TACR3: variants seen among roughly 807,000 people sequenced by gnomAD.
TACR3 encodes tachykinin receptor 3, also known as neuromedin-K receptor.
In TACR3, 34 loss-of-function variants were observed where a neutral mutation model predicts 35.0. The ratio of observed to expected loss-of-function variants is 0.97; its 90% CI spans 0.74 to 1.30. TACR3 has a LOEUF of 1.30. Among genes scored for constraint, TACR3 ranks in the 50% most tolerant of loss-of-function variants. TACR3 has a pLI of 0.00. For synonymous variants in TACR3, 233 were observed against 221.1 expected, an observed-to-expected ratio of 1.05 and a Z score of -0.48; for missense variants, 558 against 591.7, an observed-to-expected ratio of 0.94 and a Z score of 0.59.
intron 2 of TACR3, 86 bp downstream of exon 2, chr4:103,658,129 A>G (rs1725768909): frequency 7.8e-7 from 1 of 1,287,572 alleles, no homozygotes; most frequent in African/African-American, 1.5e-5. Context: ...GGGAAATGTC[A>G]GTCTTATTTA....
chr4:103,613,203 T>A (rs1724551121), intron 3 of TACR3, among the ~76,000 whole-genome samples: 1 of 152,198 alleles, frequency 6.6e-6, no homozygotes. Context: ...AACATAGGCG[T>A]TGTGATTAAA....
chr4:103,688,118 G>C (rs534477804), intron 1 of TACR3, among the ~76,000 whole-genome samples: 5 of 152,206 alleles, frequency 3.3e-5, no homozygotes, highest in Admixed American at 6.5e-5. Flanking sequence ...TCTGATCTTT[G>C]ACAAACTTGA....
chr4:103,702,817 C>T (rs966530716), intron 1 of TACR3, among the ~76,000 whole-genome samples: 1 of 146,636 alleles, frequency 6.8e-6, no homozygotes, highest in Non-Finnish European at 1.5e-5. Context: ...AACCAAACAT[C>T]ACATGTTCTC....
At chr4:103,650,819 A>ATG (rs1725596087) in intron 3 of TACR3, among the ~76,000 whole-genome samples, 2 of 45,594 alleles carry the variant, frequency 4.4e-5, no homozygotes, top group Non-Finnish European at 6.6e-5. Context: ...ATAATATATT[A>ATG]TATAATAATA....
chr4:103,602,210 C>T lies in TACR3; in HGVS notation c.889-10527G>A, dbSNP rs148059597. Reference sequence around the variant, plus strand: ...TGAGGCTTCTGCATTCGTCACGTAGCTCTCGTGCCTTGGTTTTCAGCTCCA... The same window carrying T: ...TGAGGCTTCTGCATTCGTCACGTAGTTCTCGTGCCTTGGTTTTCAGCTCCA... On this transcript the variant is annotated intron_variant, in intron 3 of 4. Coordinates refer to ENST00000304883, the MANE Select transcript of TACR3 (RefSeq NM_001059.3). Among the ~76,000 whole-genome samples the T allele has an allele frequency of 7.4e-3, 1,125 of 152,276 alleles. 17 individuals are homozygous for T. The highest frequency in any genetic ancestry group is 0.026 in the African/African-American group (1,079 of 41,560).
chr4:103,602,215 G>A (rs1053978901), intron 3 of TACR3, among the ~76,000 whole-genome samples: 8 of 152,098 alleles, frequency 5.3e-5, no homozygotes, highest in Non-Finnish European at 8.8e-5. Flanking sequence ...CGTAGCTCTC[G>A]TGCCTTGGTT....
At chr4:103,618,893 C>A (rs1197705144) in intron 3 of TACR3, among the ~76,000 whole-genome samples, 1 of 151,884 alleles carries the variant, frequency 6.6e-6, no homozygotes, top group African/African-American at 2.4e-5. Flanking sequence ...TATCTCTCAG[C>A]CTGGAATGCT....
chr4:103,697,915 T>C (rs1178827865), intron 1 of TACR3, among the ~76,000 whole-genome samples: 1 of 152,178 alleles, frequency 6.6e-6, no homozygotes, highest in African/African-American at 2.4e-5. Flanking sequence ...CTCCTCCTCT[T>C]TAAAGGTTTC....
intron 2 of TACR3, among the ~76,000 whole-genome samples, 188 bp downstream of exon 2, chr4:103,658,027 A>G (rs1482243570): frequency 6.6e-6 from 1 of 152,168 alleles, no homozygotes; most frequent in African/African-American, 2.4e-5. Context: ...TAAAAACCTT[A>G]GTAACTTACA....
chr4:103,618,564 C>CTTTTTTTTTTTTTTTT (rs57837921), intron 3 of TACR3, among the ~76,000 whole-genome samples: 7 of 61,446 alleles, frequency 1.1e-4, no homozygotes, highest in African/African-American at 6.4e-4. Flanking sequence ...GTGACTTGGG[C>CTTTTTTTTTTTTTTTT]TTTTTTTTTT....
chr4:103,602,179 G>A lies in TACR3; in HGVS notation c.889-10496C>T, dbSNP rs186921445. Among the ~76,000 whole-genome samples, 5 of 151,936 alleles carry A rather than the reference G, an allele frequency of 3.3e-5. No individual in the cohort carries two copies. In the East Asian group the frequency reaches 5.8e-4, roughly 18 times the overall value. ...ACCCTTTCTTCCAGTTGATCGCATCGGCTACTGAGGCTTCTGCATTCGTCA... is the reference window on the plus strand; with the variant it reads ...ACCCTTTCTTCCAGTTGATCGCATCAGCTACTGAGGCTTCTGCATTCGTCA... On this transcript the variant is annotated intron_variant, in intron 3 of 4. Transcript: ENST00000304883.
chr4:103,645,785 C>A (rs1262474249), intron 3 of TACR3, among the ~76,000 whole-genome samples: 1 of 151,872 alleles, frequency 6.6e-6, no homozygotes, highest in Non-Finnish European at 1.5e-5. Context: ...GGCTCTAGAA[C>A]CACAATTTTA....
intron 3 of TACR3, among the ~76,000 whole-genome samples, chr4:103,628,574 A>C (rs1724966942): frequency 6.6e-6 from 1 of 152,224 alleles, no homozygotes; most frequent in Non-Finnish European, 1.5e-5. Context: ...TCCTGGACAC[A>C]TACACCCTCC....
intron 1 of TACR3, among the ~76,000 whole-genome samples, chr4:103,679,803 C>G (rs1289568387): frequency 1.3e-5 from 2 of 151,842 alleles, no homozygotes; most frequent in African/African-American, 4.8e-5. Flanking sequence ...AATGAAAGCT[C>G]TCCATTGGCA....
At chr4:103,669,104 A>G (rs1430696150) in intron 1 of TACR3, among the ~76,000 whole-genome samples, 1 of 152,034 alleles carries the variant, frequency 6.6e-6, no homozygotes, top group Non-Finnish European at 1.5e-5. Flanking sequence ...ACTTAACATA[A>G]TATCCTTCAG....
intron 1 of TACR3, among the ~76,000 whole-genome samples, chr4:103,676,098 T>C (rs918774439): frequency 6.6e-6 from 1 of 152,188 alleles, no homozygotes; most frequent in South Asian, 2.1e-4. Context: ...ACCTCATTGT[T>C]CTAAATGAGC....
In TACR3 at chr4:103,677,848, T is replaced by C. The variant is rs112457004; in HGVS notation, c.549-19445A>G. 1.1e-4 allele frequency among the ~76,000 whole-genome samples: 17 copies of C among 151,722 alleles called. No individual in the cohort carries two copies. In the East Asian group the frequency reaches 1.9e-3, roughly 17 times the overall value. ...GTAACAAACCTGTACATCCTGCACA[T>C]GTACCCTTGATCATAAAATAAAAGC... is the stretch of plus-strand genomic sequence containing the variant. On this transcript the variant is annotated intron_variant, in intron 1 of 4. Transcript: ENST00000304883.
chr4:103,705,089 A>G (rs1034053570), intron 1 of TACR3, among the ~76,000 whole-genome samples: 1 of 152,074 alleles, frequency 6.6e-6, no homozygotes, highest in African/African-American at 2.4e-5. Flanking sequence ...TTTAAATATG[A>G]GTTTTTATTA....
chr4:103,701,119 G>T (rs1040827483), intron 1 of TACR3, among the ~76,000 whole-genome samples: 6 of 152,126 alleles, frequency 3.9e-5, no homozygotes, highest in Admixed American at 2.0e-4. Flanking sequence ...GTCCCTGTTT[G>T]CAGATGACAT....
Sources: allele counts gnomAD v4.1 joint callset (sites outside exome capture counted in the v4.1 genomes callset), GRCh38; gene constraint gnomAD v4.1.1; transcripts MANE v1.5; gene names NCBI Gene and HGNC (gene_info 2026-07-23, HGNC 2026-07-21).